The following RSF1 variants were observed in gnomAD, a reference collection of about 807,000 sequenced individuals.
RSF1 encodes remodeling and spacing factor 1.
Under a neutral mutation model 145.2 loss-of-function variants are expected in RSF1, and 13 were observed. The ratio of observed to expected loss-of-function variants is 0.09; its 90% CI spans 0.06 to 0.14. The LOEUF is 0.14. Among genes scored for constraint, RSF1 ranks in the 10% least tolerant of loss-of-function variants. RSF1 has a pLI of 1.00. For synonymous variants in RSF1, 577 were observed against 592.6 expected (o/e 0.97, Z 0.38); for missense variants, 1,517 against 1,718.2 (o/e 0.88, Z 2.07).
chr11:77,795,309 C>T (rs1424106055), intron 1 of RSF1, among the ~76,000 whole-genome samples: 1 of 152,106 alleles, frequency 6.6e-6, no homozygotes, highest in Non-Finnish European at 1.5e-5. Context: ...TATGAAAATA[C>T]TAAGATCAGT....
At chr11:77,699,451 A>T (rs923740521) in intron 6 of RSF1, among the ~76,000 whole-genome samples, 2 of 152,184 alleles carry the variant, frequency 1.3e-5, no homozygotes, top group Non-Finnish European at 2.9e-5. Context: ...ATCTCAGGGA[A>T]CACAGGATCA....
intron 1 of RSF1, among the ~76,000 whole-genome samples, chr11:77,784,332 G>T (rs1293204022): frequency 6.6e-6 from 1 of 151,762 alleles, no homozygotes; most frequent in African/African-American, 2.4e-5. Context: ...TTAATCTCTA[G>T]AAGTTCTATA....
At chr11:77,860,144 G>A in the RSF1 span, among the ~76,000 whole-genome samples, 5 of 152,174 alleles carry the variant, frequency 3.3e-5, no homozygotes, top group East Asian at 1.9e-4. Flanking sequence ...TGATATATAC[G>A]AAGTCTTGCC....
At chr11:77,733,616 C>T (rs1961263549) in intron 4 of RSF1, among the ~76,000 whole-genome samples, 1 of 146,760 alleles carries the variant, frequency 6.8e-6, no homozygotes, top group Non-Finnish European at 1.5e-5. Context: ...GGCTAGAGTG[C>T]AGTGGTACAA....
At chr11:77,820,413 G>A in intron 1 of RSF1, 115 bp downstream of exon 1, 1 of 1,130,882 alleles carries the variant, frequency 8.8e-7, no homozygotes, top group South Asian at 1.6e-5. Context: ...TGCGTCCCAG[G>A]GGGAAGACAG....
At chr11:77,824,666 TAATCTGTGGCAATAGA>T (rs1013846185), upstream of RSF1, among the ~76,000 whole-genome samples, 12 of 152,154 alleles carry the variant, frequency 7.9e-5, no homozygotes, top group African/African-American at 2.9e-4. Context: ...AGGTCAAAAC[TAATCTGTGGCAATAGA>T]AATCAAAGTA....
chr11:77,721,325 T>C (rs1960935667), intron 5 of RSF1, among the ~76,000 whole-genome samples: 1 of 152,160 alleles, frequency 6.6e-6, no homozygotes, highest in African/African-American at 2.4e-5. Context: ...TTTGTTTACA[T>C]CCGAAAGGAA....
rs765942847 is a variant in RSF1 at position 77,667,428 on chromosome 11, C to T, written c.3815G>A (p.Arg1272Gln). Reference sequence around the variant, plus strand: ...CTCGTCTGTGCTTCGGCCCCGCTTTCGAACTGACCGCTTTGATTCTTTAGC... The same window carrying T: ...CTCGTCTGTGCTTCGGCCCCGCTTTTGAACTGACCGCTTTGATTCTTTAGC... ...ELAKESKRSV[R>Q]KRGRSTDEYS... The change falls in exon 16 of 16, where the codon CGA (arginine) becomes CAA (glutamine). Residue 1272 changes from arginine (R) to glutamine (Q), a missense_variant. This residue lies in a region of RSF1 where 240 missense variants were observed against 231.8 expected (regional missense o/e 1.04). Coordinates refer to ENST00000308488, the MANE Select transcript of RSF1 (RefSeq NM_016578.4). 12 of 1,613,726 alleles carry T rather than the reference C, an allele frequency of 7.4e-6. No homozygotes were observed. The highest frequency in any genetic ancestry group is 4.4e-5 in the South Asian group (4 of 91,078).
chr11:77,733,838 A>G (rs1028551011), intron 4 of RSF1, among the ~76,000 whole-genome samples: 9 of 152,240 alleles, frequency 5.9e-5, no homozygotes, highest in Non-Finnish European at 2.9e-5. Context: ...CTGAGGTTAT[A>G]GGTGTGAGCC....
chr11:77,669,624 G>A (rs1192164095), intron 15 of RSF1, among the ~76,000 whole-genome samples: 1 of 152,168 alleles, frequency 6.6e-6, no homozygotes, highest in Non-Finnish European at 1.5e-5. Context: ...GTGCTCAATA[G>A]CCATATGAGG....
chr11:77,679,028 A>G (rs1182235049), intron 11 of RSF1, among the ~76,000 whole-genome samples: 2 of 152,242 alleles, frequency 1.3e-5, no homozygotes, highest in Non-Finnish European at 2.9e-5. Context: ...GATGGTAAAT[A>G]TTTTAGGCTT....
At chr11:77,777,231 T>C (rs1481689534) in intron 1 of RSF1, among the ~76,000 whole-genome samples, 1 of 152,220 alleles carries the variant, frequency 6.6e-6, no homozygotes, top group Non-Finnish European at 1.5e-5. Context: ...AAAATAACCA[T>C]AATACCATTA....
At chr11:77,806,614 T>C (rs1283914219) in intron 1 of RSF1, among the ~76,000 whole-genome samples, 21 of 152,074 alleles carry the variant, frequency 1.4e-4, no homozygotes, top group Non-Finnish European at 1.8e-4. Flanking sequence ...CCAGGAGTTC[T>C]GTGTTGCAGT....
chr11:77,670,484 T>C (rs1312801330), intron 15 of RSF1, among the ~76,000 whole-genome samples: 2 of 152,290 alleles, frequency 1.3e-5, no homozygotes, highest in African/African-American at 2.4e-5. Context: ...AAAGCACTCA[T>C]TTCTAATATA....
intron 11 of RSF1, among the ~76,000 whole-genome samples, chr11:77,679,564 T>C (rs972955018): frequency 2.6e-5 from 4 of 151,828 alleles, no homozygotes; most frequent in African/African-American, 4.8e-5. Flanking sequence ...TTCCAGCTAC[T>C]TGGGGGGCCG....
At chr11:77,764,556 A>G in intron 2 of RSF1, 42 bp downstream of exon 2, 1 of 1,049,532 alleles carries the variant, frequency 9.5e-7, no homozygotes, top group Non-Finnish European at 1.5e-6. Flanking sequence ...TGCTAGAGTA[A>G]TATTTCAGTA....
chr11:77,723,345 T>C (rs544789592), intron 5 of RSF1, among the ~76,000 whole-genome samples: 2 of 152,106 alleles, frequency 1.3e-5, no homozygotes, highest in Non-Finnish European at 2.9e-5. Flanking sequence ...CCTGTAGTCT[T>C]ATCTACTCAG....
chr11:77,832,967 G>C, the RSF1 span, among the ~76,000 whole-genome samples: 1 of 49,388 alleles, frequency 2.0e-5, no homozygotes, highest in Non-Finnish European at 3.8e-5. Context: ...GTGTGTGTGT[G>C]TGTGTGTGTG....
At chr11:77,735,641 T>C (rs1961330348) in intron 4 of RSF1, among the ~76,000 whole-genome samples, 1 of 152,182 alleles carries the variant, frequency 6.6e-6, no homozygotes, top group African/African-American at 2.4e-5. Context: ...AAATAATACT[T>C]ACTAGCTAAG....
Sources: gnomAD v4.1 joint callset for allele counts (sites outside exome capture counted in the v4.1 genomes callset) on GRCh38, gnomAD v4.1.1 for gene constraint, gnomAD v4.1.1 regional missense constraint, MANE v1.5 for transcripts, NCBI Gene and HGNC (gene_info 2026-07-23, HGNC 2026-07-21) for gene names.